Variants in CLVS1 observed in about 807,000 individuals in gnomAD.
The protein encoded by CLVS1 is clavesin 1.
In CLVS1, 10 loss-of-function variants were observed where a neutral mutation model predicts 33.1. The observed-to-expected ratio is 0.30, with a 90% confidence interval of 0.19 to 0.51. CLVS1 has a LOEUF of 0.51. Among genes scored for constraint, CLVS1 ranks in the 20% least tolerant of loss-of-function variants. The pLI, the probability that CLVS1 is intolerant of heterozygous loss-of-function variation, is 0.97. For synonymous variants in CLVS1, 163 were observed against 166.1 expected (o/e 0.98, Z 0.14); for missense variants, 343 against 433.4 (o/e 0.79, Z 1.85).
At chr8:61,191,571 G>T (rs552703216) in intron 2 of CLVS1, among the ~76,000 whole-genome samples, 155 of 152,322 alleles carry the variant, frequency 1.0e-3, no homozygotes, top group Middle Eastern at 3.4e-3. Context: ...GTTAGGAAAA[G>T]AGGAAGTCAA....
At chr8:61,128,200 C>A (rs10101715) in intron 1 of CLVS1, among the ~76,000 whole-genome samples, 1 of 151,960 alleles carries the variant, frequency 6.6e-6, no homozygotes, top group South Asian at 2.1e-4. Context: ...GTCATGATAC[C>A]AAGACTTATG....
the CLVS1 span, among the ~76,000 whole-genome samples, chr8:61,001,235 C>T: frequency 6.6e-6 from 1 of 152,190 alleles, no homozygotes; most frequent in African/African-American, 2.4e-5. Context: ...GATCTTCCTG[C>T]TTCAGCCTTC....
the CLVS1 span, among the ~76,000 whole-genome samples, chr8:60,965,587 C>T: frequency 6.6e-6 from 1 of 152,152 alleles, no homozygotes; most frequent in South Asian, 2.1e-4. Context: ...ACAAAAGAGC[C>T]CCAGGCCGCT....
At chr8:61,081,995 C>A (rs191589015) in intron 1 of CLVS1, among the ~76,000 whole-genome samples, 48 of 152,238 alleles carry the variant, frequency 3.2e-4, no homozygotes, top group Middle Eastern at 3.4e-3. Context: ...TTATATATGG[C>A]AGAGATGTTG....
chr8:61,418,331 A>T (rs1369945280), intron 3 of CLVS1, among the ~76,000 whole-genome samples: 1 of 152,056 alleles, frequency 6.6e-6, no homozygotes, highest in African/African-American at 2.4e-5. Flanking sequence ...TGAGACCCCA[A>T]CTCAAAAAAA....
chr8:61,199,842 T>A lies in CLVS1; in HGVS notation c.-152+67982T>A, dbSNP rs187239774. On this transcript the variant is annotated intron_variant, in intron 2 of 2. Transcript: ENST00000522621. ...GAAACTTGCTTTCTCTGCTAAGTCT[T>A]CCCCCTCATATTTTACCTTTGTGGG... Among the ~76,000 whole-genome samples, 600 of 152,306 alleles carry A rather than the reference T, an allele frequency of 3.9e-3. 6 individuals carry two copies. The highest frequency in any genetic ancestry group is 0.013 in the African/African-American group (549 of 41,562).
intron 2 of CLVS1, among the ~76,000 whole-genome samples, chr8:61,301,994 G>C (rs759934164): frequency 2.0e-5 from 3 of 152,100 alleles, no homozygotes; most frequent in South Asian, 2.1e-4. Flanking sequence ...TTCACGGGGA[G>C]ACATGGGTTT....
the CLVS1 span, among the ~76,000 whole-genome samples, chr8:61,013,918 C>T: frequency 6.5e-3 from 996 of 152,250 alleles, 14 homozygotes; most frequent in African/African-American, 0.023. Context: ...GGCTCTTGTC[C>T]CTGTCATTGT....
chr8:61,152,001 G>GC (rs1563422456), intron 2 of CLVS1, among the ~76,000 whole-genome samples: 3 of 151,998 alleles, frequency 2.0e-5, no homozygotes, highest in Non-Finnish European at 2.9e-5. Flanking sequence ...AGGATATTTT[G>GC]CCCCCCGCCC....
At chr8:61,022,258 T>C in the CLVS1 span, among the ~76,000 whole-genome samples, 25 of 152,370 alleles carry the variant, frequency 1.6e-4, no homozygotes, top group African/African-American at 6.0e-4. Flanking sequence ...AGGGAGATTC[T>C]GTTTTCCAAG....
chr8:61,181,703 T>TG (rs1807235830), intron 2 of CLVS1, among the ~76,000 whole-genome samples: 4 of 137,656 alleles, frequency 2.9e-5, no homozygotes, highest in African/African-American at 1.1e-4. Context: ...TGATCTTTTT[T>TG]TTTTTTTTTT....
chr8:61,293,639 C>A (rs906911676), intron 1 of CLVS1, among the ~76,000 whole-genome samples: 1 of 152,058 alleles, frequency 6.6e-6, no homozygotes, highest in Non-Finnish European at 1.5e-5. Flanking sequence ...ATAAAAATTT[C>A]TTTTGGTATT....
At chr8:60,964,967 G>C in the CLVS1 span, 19 of 152,278 alleles carry the variant, frequency 1.2e-4, 1 homozygote, top group South Asian at 4.1e-4. Flanking sequence ...ATAGGAGCAG[G>C]CCTGGGAAGT....
At chr8:61,455,213 G>A (rs1817106710) in intron 4 of CLVS1, among the ~76,000 whole-genome samples, 1 of 122,996 alleles carries the variant, frequency 8.1e-6, no homozygotes, top group African/African-American at 2.6e-5. Context: ...TGTGTGTGGT[G>A]AGAACACTTA....
the CLVS1 span, among the ~76,000 whole-genome samples, chr8:60,979,527 T>C: frequency 2.6e-5 from 4 of 152,358 alleles, no homozygotes; most frequent in Non-Finnish European, 5.9e-5. Context: ...TCCCGGTATC[T>C]GCTTTGAGTC....
chr8:61,050,588 C>T, the CLVS1 span, among the ~76,000 whole-genome samples: 42 of 152,332 alleles, frequency 2.8e-4, no homozygotes, highest in African/African-American at 8.4e-4. Context: ...TGTGCACACA[C>T]GTATCAGGCA....
At chr8:61,484,621 A>T (rs1803800385) in intron 5 of CLVS1, among the ~76,000 whole-genome samples, 1 of 152,372 alleles carries the variant, frequency 6.6e-6, no homozygotes, top group East Asian at 1.9e-4. Context: ...ACCAAAAAAG[A>T]GACCACATTG....
At chr8:61,252,644 C>A (rs934859087) in intron 2 of CLVS1, among the ~76,000 whole-genome samples, 1 of 152,112 alleles carries the variant, frequency 6.6e-6, no homozygotes, top group Non-Finnish European at 1.5e-5. Context: ...GCTCTTCCTG[C>A]TGAATTGGTC....
At chr8:61,490,425 T>C (rs774740848) in intron 5 of CLVS1, among the ~76,000 whole-genome samples, 14 of 151,678 alleles carry the variant, frequency 9.2e-5, no homozygotes, top group Non-Finnish European at 1.9e-4. Flanking sequence ...TCTCAGCACT[T>C]TGGGAGGCTG....
Sources: gnomAD v4.1 joint callset for allele counts (sites outside exome capture counted in the v4.1 genomes callset) on GRCh38, gnomAD v4.1.1 for gene constraint, MANE v1.5 for transcripts, NCBI Gene and HGNC (gene_info 2026-07-23, HGNC 2026-07-21) for gene names.